The following PIWIL4 variants were observed in gnomAD, a reference collection of about 807,000 sequenced individuals.
The protein encoded by PIWIL4 is piwi-like protein 4.
A neutral mutation model predicts 100.9 loss-of-function variants in PIWIL4; 50 were observed. The observed-to-expected ratio is 0.50, with a 90% confidence interval of 0.39 to 0.63. The LOEUF (loss-of-function observed/expected upper bound fraction) is 0.63. PIWIL4 is among the 20% of genes least tolerant of loss of function. The pLI is 0.00. For missense variants in PIWIL4, 887 were observed against 1,043.3 expected (o/e 0.85, Z 2.06); for synonymous variants, 342 against 367.5 (o/e 0.93, Z 0.79).
At chr11:94,607,753 C>A (rs1020667459) in intron 14 of PIWIL4, 114 bp downstream of exon 14, 3 of 1,136,284 alleles carry the variant, frequency 2.6e-6, no homozygotes, top group East Asian at 2.6e-5. Flanking sequence ...GTTTCTTGAG[C>A]CTTTGCCCTG....
intron 2 of PIWIL4, among the ~76,000 whole-genome samples, chr11:94,574,728 C>T (rs530696248): frequency 7.9e-5 from 12 of 152,270 alleles, no homozygotes; most frequent in African/African-American, 2.9e-4. Flanking sequence ...GCGATCCGCC[C>T]GCCATGACCT....
chr11:94,609,052 G>T (rs1369090417), intron 15 of PIWIL4, among the ~76,000 whole-genome samples: 2 of 152,138 alleles, frequency 1.3e-5, no homozygotes, highest in African/African-American at 4.8e-5. Flanking sequence ...AGATTGCCTG[G>T]ATTTATACCC....
intron 11 of PIWIL4, among the ~76,000 whole-genome samples, chr11:94,599,349 G>A (rs1168875095): frequency 6.6e-6 from 1 of 152,188 alleles, no homozygotes; most frequent in African/African-American, 2.4e-5. Context: ...CTCATGCACT[G>A]GAGGTAGCAG....
chr11:94,585,578 A>T, intron 6 of PIWIL4, 53 bp downstream of exon 6: 2 of 1,346,118 alleles, frequency 1.5e-6, no homozygotes, highest in South Asian at 1.2e-5. Flanking sequence ...TGTGAGCAAC[A>T]TAATTTATGA....
chr11:94,594,519 G>A (rs1328602813), intron 9 of PIWIL4, among the ~76,000 whole-genome samples: 1 of 151,864 alleles, frequency 6.6e-6, no homozygotes, highest in African/African-American at 2.4e-5. Flanking sequence ...AATCCTTGAA[G>A]GGAAGGGTGT....
chr11:94,618,087 A>G lies in PIWIL4; in HGVS notation c.2148A>G (p.Ala716=), dbSNP rs770853870. ...YEVPQLLSSV[A]ESSSNTSSRL... The stretch of plus-strand genomic sequence containing the variant: ...TCCCACAGCTGCTGAGCAGTGTGGC[A>G]GAATCCAGCTCAAATACCAGGTATT... The change falls in exon 17 of 20, where the codon GCA becomes GCG. Residue 716 remains alanine (A), a synonymous_variant. Coordinates refer to ENST00000299001, the MANE Select transcript of PIWIL4 (RefSeq NM_152431.3). 1.3e-6 allele frequency: 2 copies of G among 1,580,000 alleles called. No individual in the cohort carries two copies. Among genetic ancestry groups the G allele is most frequent in the Non-Finnish European group, 1.7e-6 (2 of 1,160,274 alleles).
In PIWIL4 at chr11:94,574,986, C is replaced by A; in HGVS notation, c.167-13C>A. The stretch of plus-strand genomic sequence containing the variant: ...GAAATATTAGCTGTTACCACATTCT[C>A]TTCATGTTTTAGATAAATATGGGAT... On this transcript the variant is annotated splice_polypyrimidine_tract_variant and intron_variant, in intron 2 of 19. Coordinates refer to ENST00000299001, the MANE Select transcript of PIWIL4 (RefSeq NM_152431.3). 6.2e-7 allele frequency: 1 copy of A among 1,609,964 alleles called. No homozygotes were observed. The highest frequency in any genetic ancestry group is 1.1e-5 in the South Asian group (1 of 90,746).
At chr11:94,584,379 C>G (rs897461736) in intron 5 of PIWIL4, among the ~76,000 whole-genome samples, 1 of 152,210 alleles carries the variant, frequency 6.6e-6, no homozygotes, top group Admixed American at 6.5e-5. Context: ...ACTTCCCCCA[C>G]CCAGATGTCC....
intron 4 of PIWIL4, among the ~76,000 whole-genome samples, chr11:94,580,991 T>C (rs1948306976): frequency 6.8e-6 from 1 of 147,452 alleles, no homozygotes; most frequent in South Asian, 2.2e-4. Flanking sequence ...CTCCACCTCC[T>C]GGGTTTCAAG....
chr11:94,583,720 C>T (rs1195726076), intron 5 of PIWIL4, 151 bp downstream of exon 5: 1 of 981,282 alleles, frequency 1.0e-6, no homozygotes, highest in Non-Finnish European at 1.5e-6. Flanking sequence ...CCTACATGAA[C>T]AATAATGTGC....
chr11:94,614,865 G>A (rs1207956307), intron 15 of PIWIL4, among the ~76,000 whole-genome samples: 2 of 152,182 alleles, frequency 1.3e-5, no homozygotes, highest in African/African-American at 4.8e-5. Context: ...CAGCTGTCAA[G>A]AGGCTCTCAT....
rs764113380 is a variant in PIWIL4 at position 94,593,478 on chromosome 11, TC to T, written c.1027-38del. On this transcript the variant is annotated intron_variant, in intron 8 of 19. Transcript: ENST00000299001. ...GTAAGGATGCTCACCTGGCGGTGCT[TC>T]CATGTTAACTTTTTACTTATTAATC... 1.6e-5 allele frequency: 26 copies of T among 1,596,080 alleles called. No individual in the cohort carries two copies. The South Asian group carries it at 2.4e-4, about 15-fold the overall frequency.
At chr11:94,583,403 T>C in intron 4 of PIWIL4, 45 bp from the exon 5 acceptor site, 16 of 1,600,752 alleles carry the variant, frequency 1.0e-5, no homozygotes, top group Non-Finnish European at 1.4e-5. Context: ...TCTGCACACT[T>C]GGGGATAATT....
At chr11:94,572,267 T>C (rs1226791096) in intron 2 of PIWIL4, among the ~76,000 whole-genome samples, 2 of 152,246 alleles carry the variant, frequency 1.3e-5, no homozygotes, top group Admixed American at 6.5e-5. Context: ...TAGTTTCTTT[T>C]GCTGTGCAGA....
At chr11:94,600,392 A>T (rs1448998094) in intron 11 of PIWIL4, among the ~76,000 whole-genome samples, 1 of 152,204 alleles carries the variant, frequency 6.6e-6, no homozygotes, top group Admixed American at 6.5e-5. Flanking sequence ...CAGGGGAGAC[A>T]TCACATGTCG....
intron 14 of PIWIL4, chr11:94,608,368 C>T (rs1281239325): frequency 6.4e-6 from 3 of 472,392 alleles, no homozygotes; most frequent in Non-Finnish European, 1.1e-5. Context: ...TAGTGTTTCT[C>T]TTAAGATAAG....
At chr11:94,592,966 A>G (rs1948506513) in intron 8 of PIWIL4, among the ~76,000 whole-genome samples, 1 of 152,184 alleles carries the variant, frequency 6.6e-6, no homozygotes. Flanking sequence ...GCCCAAGCAA[A>G]TAGAAGAGCT....
chr11:94,581,830 G>C (rs1948323958), intron 4 of PIWIL4, among the ~76,000 whole-genome samples: 1 of 152,204 alleles, frequency 6.6e-6, no homozygotes. Context: ...CTCAGTATCA[G>C]AAAGGTGTTC....
At position 94,589,248 on chromosome 11, in the gene PIWIL4, A is replaced by T; in HGVS notation, c.1026+16A>T. On this transcript the variant is annotated intron_variant, in intron 8 of 19. Transcript: ENST00000299001. ...CTACAAGCAGGTAGGACTTTTCTTC[A>T]TGCATCTCTATCTCCTTTTCTTTTA... 6.5e-7 allele frequency: 1 copy of T among 1,540,858 alleles called. No homozygotes were observed. The highest frequency in any genetic ancestry group is 1.1e-5 in the South Asian group (1 of 89,290).
Sources: gnomAD v4.1 joint callset for allele counts (sites outside exome capture counted in the v4.1 genomes callset) on GRCh38, gnomAD v4.1.1 for gene constraint, MANE v1.5 for transcripts, NCBI Gene and HGNC (gene_info 2026-07-23, HGNC 2026-07-21) for gene names.